SPAG16: variants seen among roughly 807,000 people sequenced by gnomAD.
SPAG16 encodes sperm-associated antigen 16 protein.
SPAG16 carries 86 observed loss-of-function variants against 80.4 expected under a neutral mutation model. The observed-to-expected ratio is 1.07, with a 90% CI of 0.90 to 1.28. SPAG16 has a LOEUF of 1.28. SPAG16 is among the 50% of genes most tolerant of loss of function. The probability of loss-of-function intolerance (pLI) is 0.00; values close to 1 mark genes in which losing one functional copy is unlikely to be tolerated. For synonymous variants in SPAG16, 294 were observed against 265.9 expected (o/e 1.11, Z -1.03); for missense variants, 870 against 765.3 (o/e 1.14, Z -1.61).
chr2:213,654,414 G>A (rs1335412980), intron 10 of SPAG16, among the ~76,000 whole-genome samples: 1 of 151,814 alleles, frequency 6.6e-6, no homozygotes, highest in Non-Finnish European at 1.5e-5. Flanking sequence ...GTTGCAATGT[G>A]GCTGGGTGCA....
chr2:214,097,321 T>C (rs1349860443), intron 13 of SPAG16, among the ~76,000 whole-genome samples: 2 of 151,996 alleles, frequency 1.3e-5, no homozygotes, highest in African/African-American at 4.8e-5. Flanking sequence ...TGATTCTTTT[T>C]AATTTCAGTG....
chr2:213,339,781 A>C (rs1190733709), intron 5 of SPAG16, among the ~76,000 whole-genome samples: 1 of 148,984 alleles, frequency 6.7e-6, no homozygotes, highest in South Asian at 2.1e-4. Flanking sequence ...GTTAAATTCC[A>C]TAAAGTCTTT....
chr2:214,363,285 C>G (rs774051258), intron 15 of SPAG16, among the ~76,000 whole-genome samples: 1 of 151,914 alleles, frequency 6.6e-6, no homozygotes, highest in Non-Finnish European at 1.5e-5. Context: ...CTATCATCCT[C>G]AAAAATAAAA....
chr2:213,490,216 A>G (rs929115437), intron 10 of SPAG16, 126 bp downstream of exon 10: 11 of 887,932 alleles, frequency 1.2e-5, no homozygotes, highest in Non-Finnish European at 1.8e-5. Context: ...TACTCATAGC[A>G]TGAAAGAATC....
chr2:213,365,686 G>T (rs2066241391), intron 8 of SPAG16, among the ~76,000 whole-genome samples: 1 of 151,790 alleles, frequency 6.6e-6, no homozygotes, highest in South Asian at 2.1e-4. Context: ...TTGAACTCCT[G>T]TCTTGAAGTG....
intron 9 of SPAG16, among the ~76,000 whole-genome samples, chr2:213,387,307 T>C (rs559065296): frequency 6.6e-6 from 1 of 151,588 alleles, no homozygotes; most frequent in South Asian, 2.1e-4. Context: ...AAAGCACTAT[T>C]ATTAAAAGTA....
At chr2:213,286,282 T>C (rs1259644029) in intron 1 of SPAG16, among the ~76,000 whole-genome samples, 1 of 152,242 alleles carries the variant, frequency 6.6e-6, no homozygotes, top group East Asian at 1.9e-4. Flanking sequence ...TTTGGTTGAC[T>C]GACTGCTATT....
intron 15 of SPAG16, among the ~76,000 whole-genome samples, chr2:214,326,762 G>A (rs930706704): frequency 8.6e-5 from 13 of 151,874 alleles, no homozygotes; most frequent in South Asian, 2.1e-4. Context: ...TGGCTAACAC[G>A]GTGAAACCCT....
At chr2:213,611,224 T>G (rs2061430810) in intron 10 of SPAG16, among the ~76,000 whole-genome samples, 1 of 152,234 alleles carries the variant, frequency 6.6e-6, no homozygotes, top group South Asian at 2.1e-4. Context: ...AATTTCCTTT[T>G]GTAACTTGAT....
chr2:213,480,345 C>A (rs2073680534), intron 9 of SPAG16, among the ~76,000 whole-genome samples: 1 of 152,148 alleles, frequency 6.6e-6, no homozygotes, highest in Non-Finnish European at 1.5e-5. Context: ...AGGCATATCC[C>A]CTTAGCCAAT....
At chr2:214,018,705 C>T (rs369413303) in intron 13 of SPAG16, among the ~76,000 whole-genome samples, 18 of 152,130 alleles carry the variant, frequency 1.2e-4, no homozygotes, top group Non-Finnish European at 1.0e-4. Flanking sequence ...AGTAATGGTA[C>T]ATTTTGTCAC....
At chr2:213,445,219 C>G (rs1386510126) in intron 9 of SPAG16, among the ~76,000 whole-genome samples, 3 of 152,100 alleles carry the variant, frequency 2.0e-5, no homozygotes, top group Non-Finnish European at 4.4e-5. Flanking sequence ...GAAGAGACAA[C>G]CTACAGAACG....
intron 10 of SPAG16, among the ~76,000 whole-genome samples, chr2:213,769,807 T>C (rs1330480978): frequency 1.3e-5 from 2 of 152,200 alleles, no homozygotes; most frequent in Non-Finnish European, 2.9e-5. Context: ...CAAATTCATA[T>C]ACCCATATAC....
chr2:214,397,036 C>T (rs1701432276), intron 15 of SPAG16, among the ~76,000 whole-genome samples: 1 of 151,466 alleles, frequency 6.6e-6, no homozygotes, highest in Non-Finnish European at 1.5e-5. Context: ...AAATCCAGTG[C>T]AGCTTGCTGT....
intron 11 of SPAG16, among the ~76,000 whole-genome samples, chr2:213,920,858 G>A (rs1575556018): frequency 6.6e-6 from 1 of 152,330 alleles, no homozygotes; most frequent in East Asian, 1.9e-4. Flanking sequence ...TTTTGGCTCT[G>A]CATCAGCTGG....
intron 15 of SPAG16, among the ~76,000 whole-genome samples, chr2:214,284,933 T>G (rs1348420490): frequency 3.3e-5 from 5 of 152,176 alleles, no homozygotes; most frequent in Non-Finnish European, 7.3e-5. Flanking sequence ...AGGACCACAA[T>G]CAACAGATGT....
chr2:214,401,746 A>G (rs1208270695), intron 15 of SPAG16, among the ~76,000 whole-genome samples: 1 of 151,988 alleles, frequency 6.6e-6, no homozygotes, highest in African/African-American at 2.4e-5. Context: ...ATTACTGACT[A>G]TATAAATAAT....
intron 10 of SPAG16, among the ~76,000 whole-genome samples, chr2:213,794,443 A>G (rs1002303694): frequency 6.6e-6 from 1 of 152,146 alleles, no homozygotes; most frequent in Admixed American, 6.5e-5. Context: ...AGGGCTATTA[A>G]GAATAGATTC....
chr2:213,437,244 G>A (rs193196047), intron 9 of SPAG16, among the ~76,000 whole-genome samples: 19 of 152,306 alleles, frequency 1.2e-4, no homozygotes, highest in Admixed American at 4.6e-4. Context: ...TGAAAGGTAA[G>A]AGATTTAGAA....
Sources: gnomAD v4.1 joint callset for allele counts (sites outside exome capture counted in the v4.1 genomes callset) on GRCh38, gnomAD v4.1.1 for gene constraint, MANE v1.5 for transcripts, NCBI Gene and HGNC (gene_info 2026-07-23, HGNC 2026-07-21) for gene names.